Variants in AKAP6 observed in about 807,000 individuals in gnomAD.
AKAP6 encodes the protein A-kinase anchoring protein 6, also known as A-kinase anchor protein 6.
AKAP6 carries 58 observed loss-of-function variants against 188.5 expected under a neutral mutation model. That is an observed-to-expected ratio of 0.31 (90% confidence interval 0.25 to 0.38). The LOEUF (loss-of-function observed/expected upper bound fraction) is 0.38, where lower values mean the gene tolerates loss of function less well. Ranked by LOEUF, AKAP6 falls within the 10% of genes least tolerant of loss-of-function variation. The pLI, the probability that AKAP6 is intolerant of heterozygous loss-of-function variation, is 1.00. For missense variants in AKAP6, 2,710 were observed against 2,740.0 expected (o/e 0.99, Z 0.24); for synonymous variants, 989 against 998.6 (o/e 0.99, Z 0.18).
chr14:32,682,391 C>T (rs149714040), intron 8 of AKAP6, among the ~76,000 whole-genome samples: 1 of 152,326 alleles, frequency 6.6e-6, no homozygotes, highest in East Asian at 1.9e-4. Flanking sequence ...GATGAGCTCT[C>T]GCAGGCAGGG....
intron 11 of AKAP6, among the ~76,000 whole-genome samples, chr14:32,768,655 A>G (rs1194561195): frequency 6.6e-6 from 1 of 152,144 alleles, no homozygotes; most frequent in Non-Finnish European, 1.5e-5. Flanking sequence ...AGAACATAAA[A>G]TTTCTATTAC....
intron 2 of AKAP6, among the ~76,000 whole-genome samples, chr14:32,458,638 TA>T (rs1891221767): frequency 6.6e-6 from 1 of 151,930 alleles, no homozygotes; most frequent in African/African-American, 2.4e-5. Context: ...TTGCAGACAA[TA>T]AAAGCATGCC....
intron 5 of AKAP6, among the ~76,000 whole-genome samples, chr14:32,589,771 AACACTG>A (rs1885407649): frequency 6.6e-6 from 1 of 152,182 alleles, no homozygotes; most frequent in Non-Finnish European, 1.5e-5. Context: ...ATGCCGGGGA[AACACTG>A]CATTTATTAA....
intron 1 of AKAP6, among the ~76,000 whole-genome samples, chr14:32,418,586 A>G (rs1363380943): frequency 6.6e-6 from 1 of 152,118 alleles, no homozygotes; most frequent in African/African-American, 2.4e-5. Flanking sequence ...AGACACACCT[A>G]AATTTTAAAA....
chr14:32,377,510 T>TGAGAGA (rs145177834), intron 1 of AKAP6, among the ~76,000 whole-genome samples: 3 of 149,066 alleles, frequency 2.0e-5, no homozygotes, highest in African/African-American at 2.5e-5. Context: ...TGTACGTGCA[T>TGAGAGA]GAGAGAGAGA....
chr14:32,421,041 A>C (rs1889832465), intron 1 of AKAP6, among the ~76,000 whole-genome samples: 1 of 151,970 alleles, frequency 6.6e-6, no homozygotes, highest in Admixed American at 6.6e-5. Context: ...TCTTATGTAA[A>C]ACAAATTGTC....
At chr14:32,670,063 C>CAGCG (rs1889114945) in intron 7 of AKAP6, among the ~76,000 whole-genome samples, 1 of 148,236 alleles carries the variant, frequency 6.7e-6, no homozygotes, top group Non-Finnish European at 1.5e-5. Context: ...TGCCACTGTA[C>CAGCG]AGCGGCCTGA....
rs999350292 is a variant in AKAP6, at chr14:32,837,334, A to T, written c.*7529A>T. ...AACCTGCCATTTTAAAAGACACCTA[A>T]CTCTATAAACAAATGGGCCATTACA... On this transcript the variant is annotated 3_prime_UTR_variant, in exon 14 of 14. Transcript: ENST00000280979. 1 of 152,198 alleles carries T rather than the reference A, an allele frequency of 6.6e-6. No homozygotes were observed. Among genetic ancestry groups the T allele is most frequent in the Non-Finnish European group, 1.5e-5 (1 of 68,034 alleles). 9.4% of individuals were successfully genotyped at this position (152,198 alleles called of 1,614,324 possible).
intron 7 of AKAP6, among the ~76,000 whole-genome samples, chr14:32,613,326 T>C (rs1386252538): frequency 6.6e-6 from 1 of 152,222 alleles, no homozygotes; most frequent in African/African-American, 2.4e-5. Context: ...CCATTCATTT[T>C]TAAGGGAATT....
chr14:32,641,571 A>G (rs1289503172), intron 7 of AKAP6, among the ~76,000 whole-genome samples: 1 of 151,940 alleles, frequency 6.6e-6, no homozygotes, highest in Non-Finnish European at 1.5e-5. Flanking sequence ...TGGACTTAAG[A>G]TTTGGGCTTG....
intron 9 of AKAP6, among the ~76,000 whole-genome samples, chr14:32,724,907 T>C (rs1358426304): frequency 7.0e-6 from 1 of 142,256 alleles, no homozygotes; most frequent in Non-Finnish European, 1.5e-5. Context: ...TCCGTGGGGC[T>C]TGTTCAGCTA....
At chr14:32,387,324 C>A (rs886127422) in intron 1 of AKAP6, among the ~76,000 whole-genome samples, 2 of 151,972 alleles carry the variant, frequency 1.3e-5, no homozygotes, top group Non-Finnish European at 2.9e-5. Flanking sequence ...ACTTCCAGTA[C>A]TATGTTGAAG....
chr14:32,595,305 T>C (rs1885648348), intron 5 of AKAP6, among the ~76,000 whole-genome samples: 1 of 152,066 alleles, frequency 6.6e-6, no homozygotes, highest in Admixed American at 6.5e-5. Context: ...CTGCTGTCTC[T>C]CCTGCTTGCA....
chr14:32,525,828 C>T (rs1882092635), intron 2 of AKAP6, among the ~76,000 whole-genome samples: 1 of 152,168 alleles, frequency 6.6e-6, no homozygotes, highest in African/African-American at 2.4e-5. Flanking sequence ...AAATAAGACA[C>T]ATTTCCTGCT....
Position 32,388,787 on chromosome 14 carries a change from G to A in AKAP6, c.-34-44673G>A, listed in dbSNP as rs146889283. Among the ~76,000 whole-genome samples, 21 of 152,100 alleles carry A rather than the reference G, an allele frequency of 1.4e-4. No individual in the cohort carries two copies. In the East Asian group the frequency reaches 1.7e-3, roughly 13 times the overall value. On this transcript the variant is annotated intron_variant, in intron 1 of 13. Coordinates refer to ENST00000280979, the MANE Select transcript of AKAP6 (RefSeq NM_004274.5). The stretch of plus-strand genomic sequence containing the variant: ...TGTGACCTATCATATGGTCTATATT[G>A]GAGAAAGTTCCATGCACTGTTGAAT...
intron 2 of AKAP6, among the ~76,000 whole-genome samples, chr14:32,492,262 T>C (rs1880055786): frequency 6.6e-6 from 1 of 150,766 alleles, no homozygotes; most frequent in Non-Finnish European, 1.5e-5. Context: ...TTTTTCTGGG[T>C]TAGGTGTCCC....
At chr14:32,488,944 C>A (rs1246960367) in intron 2 of AKAP6, among the ~76,000 whole-genome samples, 2 of 152,206 alleles carry the variant, frequency 1.3e-5, no homozygotes, top group Non-Finnish European at 2.9e-5. Flanking sequence ...CAGACTGGAG[C>A]TGTTCCTATT....
chr14:32,785,857 C>A (rs552220791), intron 12 of AKAP6, among the ~76,000 whole-genome samples: 1 of 152,084 alleles, frequency 6.6e-6, no homozygotes, highest in East Asian at 1.9e-4. Context: ...AGTAAAAGGA[C>A]ACAAATTTCT....
chr14:32,522,950 G>C (rs2139067178), intron 2 of AKAP6, among the ~76,000 whole-genome samples: 1 of 152,286 alleles, frequency 6.6e-6, no homozygotes, highest in East Asian at 1.9e-4. Flanking sequence ...TGATAGACTA[G>C]ATTAAGAAAA....
Sources: gnomAD v4.1 joint callset for allele counts (sites outside exome capture counted in the v4.1 genomes callset) on GRCh38, gnomAD v4.1.1 for gene constraint, MANE v1.5 for transcripts, NCBI Gene and HGNC (gene_info 2026-07-23, HGNC 2026-07-21) for gene names.